TOGARAM1: variants seen among roughly 807,000 people sequenced by gnomAD.
TOGARAM1 encodes TOG array regulator of axonemal microtubules 1.
A neutral mutation model predicts 166.6 loss-of-function variants in TOGARAM1; 100 were observed. The ratio of observed to expected loss-of-function variants is 0.60; its 90% CI spans 0.51 to 0.71. The LOEUF is 0.71. TOGARAM1 is among the 30% of genes least tolerant of loss of function. The pLI is 0.00. For synonymous variants in TOGARAM1, 758 were observed against 763.8 expected (o/e 0.99, Z 0.13); for missense variants, 2,029 against 2,102.7 (o/e 0.96, Z 0.69).
Position 45,068,335 on chromosome 14 carries a change from G to C in TOGARAM1, c.4750-89G>C, listed in dbSNP as rs1407308508. ...GTATATATTTAAACTGAGTAAAGTA[G>C]GAGAAATATTATGACATGCCAAGAT... is the stretch of plus-strand genomic sequence containing the variant. On this transcript the variant is annotated intron_variant, in intron 17 of 19. Coordinates refer to ENST00000361462, the MANE Select transcript of TOGARAM1 (RefSeq NM_001308120.2). 24 of 937,652 alleles carry C rather than the reference G, an allele frequency of 2.6e-5. No homozygotes were observed. The Middle Eastern group carries it at 2.0e-3, about 79-fold the overall frequency. 58.1% of individuals were successfully genotyped at this position (937,652 alleles called of 1,614,324 possible). A position where few individuals can be genotyped will look rare whatever the true frequency, so the allele number is the denominator to read the frequency against.
intron 1 of TOGARAM1, among the ~76,000 whole-genome samples, chr14:44,970,215 G>A (rs1319648494): frequency 6.6e-6 from 1 of 152,028 alleles, no homozygotes; most frequent in Non-Finnish European, 1.5e-5. Flanking sequence ...TTGATATCTT[G>A]CATTGGAGTT....
At position 44,995,545 on chromosome 14, in the gene TOGARAM1, A is replaced by C. The variant is rs1028596786; in HGVS notation, c.2047-201A>C. The C allele has an allele frequency of 1.0e-5, 6 of 586,092 alleles. No individual in the cohort carries two copies. In the Admixed American group the frequency reaches 1.3e-4, roughly 13 times the overall value. 36.3% of individuals were successfully genotyped at this position (586,092 alleles called of 1,614,324 possible). A position where few individuals can be genotyped will look rare whatever the true frequency, so the allele number is the denominator to read the frequency against. Reference sequence around the variant, plus strand: ...GGTTGGGGTGAAGTAGTAAGAAAAAACAATTAGCATTTCTCTTCTGGAATG... The same window carrying C: ...GGTTGGGGTGAAGTAGTAAGAAAAACCAATTAGCATTTCTCTTCTGGAATG... On this transcript the variant is annotated intron_variant, in intron 1 of 19. Coordinates refer to ENST00000361462, the MANE Select transcript of TOGARAM1 (RefSeq NM_001308120.2).
rs570396915 is a variant in TOGARAM1, at chr14:45,055,586, C to T, written c.4559+1037C>T. ...TTGGGATGCTGAGGCGGGTGGATCACGAGGTCAGGAGTTCAAGACCAGCCT... is the reference window on the plus strand; with the variant it reads ...TTGGGATGCTGAGGCGGGTGGATCATGAGGTCAGGAGTTCAAGACCAGCCT... On this transcript the variant is annotated intron_variant, in intron 16 of 19. Coordinates refer to ENST00000361462, the MANE Select transcript of TOGARAM1 (RefSeq NM_001308120.2). Among the ~76,000 whole-genome samples, 6 of 151,946 alleles carry T rather than the reference C, an allele frequency of 3.9e-5. No individual in the cohort carries two copies. In the South Asian group the frequency reaches 1.0e-3, roughly 26 times the overall value.
chr14:45,064,496 G>A (rs1301585053), intron 16 of TOGARAM1, among the ~76,000 whole-genome samples: 1 of 151,814 alleles, frequency 6.6e-6, no homozygotes, highest in East Asian at 1.9e-4. Context: ...TTGAGGGCAG[G>A]GTCTTGCTCT....
At chr14:44,999,202 A>C (rs563320584) in intron 2 of TOGARAM1, among the ~76,000 whole-genome samples, 161 bp from the exon 3 acceptor site, 2 of 152,342 alleles carry the variant, frequency 1.3e-5, no homozygotes, top group East Asian at 3.9e-4. Flanking sequence ...CTGATTTTCT[A>C]GTATCAAAAG....
intron 16 of TOGARAM1, among the ~76,000 whole-genome samples, chr14:45,061,816 C>T (rs1348340348): frequency 6.6e-6 from 1 of 151,450 alleles, no homozygotes; most frequent in African/African-American, 2.4e-5. Flanking sequence ...TCTTTAGTTT[C>T]CTTGTCTTAG....
At chr14:45,000,546 T>C (rs544124150) in intron 3 of TOGARAM1, among the ~76,000 whole-genome samples, 1 of 152,342 alleles carries the variant, frequency 6.6e-6, no homozygotes, top group South Asian at 2.1e-4. Flanking sequence ...ATTCTTTATA[T>C]GGCTCAATAG....
intron 7 of TOGARAM1, among the ~76,000 whole-genome samples, chr14:45,022,367 T>G (rs1264116922): frequency 6.7e-6 from 1 of 149,252 alleles, no homozygotes; most frequent in Non-Finnish European, 1.5e-5. Context: ...GTTGCCAGTC[T>G]TCTCCTAGGT....
chr14:45,020,523 G>A (rs560770903), intron 7 of TOGARAM1, among the ~76,000 whole-genome samples: 17 of 152,266 alleles, frequency 1.1e-4, no homozygotes, highest in Admixed American at 4.6e-4. Context: ...ATTCCTGCTC[G>A]GATAACAAAA....
chr14:44,970,097 G>T (rs1192085102), intron 1 of TOGARAM1, among the ~76,000 whole-genome samples: 1 of 152,092 alleles, frequency 6.6e-6, no homozygotes, highest in Non-Finnish European at 1.5e-5. Flanking sequence ...GAGTTTGATT[G>T]GGATTGCATT....
rs1039388504 is a variant in TOGARAM1, at chr14:44,996,133, C to A, written c.2203+231C>A. ...AATATAGGGCAATATTTGCTTAATA[C>A]ATCACCCATATTTATTAAGGTGCTT... On this transcript the variant is annotated intron_variant, in intron 2 of 19. Coordinates refer to ENST00000361462, the MANE Select transcript of TOGARAM1 (RefSeq NM_001308120.2). 1.4e-5 allele frequency: 4 copies of A among 277,764 alleles called. No individual in the cohort carries two copies. In the Admixed American group the frequency reaches 2.0e-4, roughly 14 times the overall value. 17.2% of individuals were successfully genotyped at this position (277,764 alleles called of 1,614,324 possible). A position where few individuals can be genotyped will look rare whatever the true frequency, so the allele number is the denominator to read the frequency against.
intron 1 of TOGARAM1, among the ~76,000 whole-genome samples, chr14:44,991,912 A>AT (rs1202185173): frequency 2.6e-5 from 4 of 151,506 alleles, no homozygotes; most frequent in Non-Finnish European, 5.9e-5. Flanking sequence ...TATTTTTTAT[A>AT]TTTTTTACAA....
chr14:45,043,292 C>T lies in TOGARAM1; in HGVS notation c.3813-394C>T, dbSNP rs1238862842. Among the ~76,000 whole-genome samples, 3 of 152,110 alleles carry T rather than the reference C, an allele frequency of 2.0e-5. No individual in the cohort carries two copies. The East Asian group carries it at 5.8e-4, about 29-fold the overall frequency. On this transcript the variant is annotated intron_variant, in intron 11 of 19. Coordinates refer to ENST00000361462, the MANE Select transcript of TOGARAM1 (RefSeq NM_001308120.2). Reference sequence around the variant, plus strand: ...TCCCAGGTTTAAGTGATTCTCCTGCCTCAGCCTCCCGAGTAGCTGGGATTA... The same window carrying T: ...TCCCAGGTTTAAGTGATTCTCCTGCTTCAGCCTCCCGAGTAGCTGGGATTA...
intron 10 of TOGARAM1, among the ~76,000 whole-genome samples, chr14:45,031,381 C>A (rs1881145330): frequency 6.6e-6 from 1 of 152,096 alleles, no homozygotes; most frequent in African/African-American, 2.4e-5. Context: ...TAGTACAGTG[C>A]CTTACATCTG....
chr14:45,042,333 CA>C (rs1486552454), intron 11 of TOGARAM1: 1 of 151,700 alleles, frequency 6.6e-6, no homozygotes, highest in Non-Finnish European at 1.5e-5. Flanking sequence ...AAATCCTTAC[CA>C]AAAATTGTAA....
At chr14:44,992,460 A>T (rs1887192904) in intron 1 of TOGARAM1, among the ~76,000 whole-genome samples, 2 of 152,092 alleles carry the variant, frequency 1.3e-5, no homozygotes, top group South Asian at 2.1e-4. Context: ...GTGATTTCTG[A>T]GAGAATTAGA....
At chr14:45,040,236 G>GAAATCA (rs1881658660) in intron 11 of TOGARAM1, among the ~76,000 whole-genome samples, 1 of 151,796 alleles carries the variant, frequency 6.6e-6, no homozygotes, top group Non-Finnish European at 1.5e-5. Flanking sequence ...GAAATCAAAA[G>GAAATCA]GAAAATTACA....
intron 10 of TOGARAM1, among the ~76,000 whole-genome samples, chr14:45,030,574 T>A (rs1881101325): frequency 6.6e-6 from 1 of 152,130 alleles, no homozygotes; most frequent in Non-Finnish European, 1.5e-5. Context: ...TAGTCTTAGA[T>A]ATGAAGCCTA....
intron 16 of TOGARAM1, among the ~76,000 whole-genome samples, chr14:45,060,392 T>G (rs573008220): frequency 4.6e-5 from 7 of 152,070 alleles, no homozygotes; most frequent in Non-Finnish European, 1.0e-4. Flanking sequence ...ATTTTTGTAT[T>G]TTTAGTAGAG....
Sources: allele counts gnomAD v4.1 joint callset (sites outside exome capture counted in the v4.1 genomes callset), GRCh38; gene constraint gnomAD v4.1.1; transcripts MANE v1.5; gene names NCBI Gene and HGNC (gene_info 2026-07-23, HGNC 2026-07-21).